NCKAP5: variants seen among roughly 807,000 people sequenced by gnomAD.
NCKAP5 encodes the protein nck-associated protein 5.
Under a neutral mutation model 167.0 loss-of-function variants are expected in NCKAP5, and 92 were observed. The observed-to-expected ratio is 0.55, with a 90% CI of 0.47 to 0.66. NCKAP5 has a LOEUF of 0.66. NCKAP5 is among the 30% of genes least tolerant of loss of function. The pLI, the probability that NCKAP5 is intolerant of heterozygous loss-of-function variation, is 0.00. For synonymous variants in NCKAP5, 891 were observed against 877.4 expected (o/e 1.02, Z -0.27); for missense variants, 2,378 against 2,315.0 (o/e 1.03, Z -0.56).
chr2:133,231,338 C>A (rs1332705712), intron 4 of NCKAP5, among the ~76,000 whole-genome samples: 1 of 152,148 alleles, frequency 6.6e-6, no homozygotes, highest in East Asian at 1.9e-4. Flanking sequence ...GACTAAAAGA[C>A]ATGTTTAAAA....
At chr2:132,878,801 T>TCCCAACTAGTC in intron 9 of NCKAP5, 47 bp downstream of exon 9, 1 of 1,403,266 alleles carries the variant, frequency 7.1e-7, no homozygotes, top group Non-Finnish European at 1.0e-6. Context: ...ATTAAGGGAA[T>TCCCAACTAGTC]CCCAACTAGT....
chr2:133,608,960 G>A, the NCKAP5 span, among the ~76,000 whole-genome samples: 1 of 152,196 alleles, frequency 6.6e-6, no homozygotes, highest in Non-Finnish European at 1.5e-5. Flanking sequence ...AACATTTCAT[G>A]TATTTTCAAG....
chr2:133,309,446 C>T (rs1681075123), intron 3 of NCKAP5, among the ~76,000 whole-genome samples: 2 of 152,066 alleles, frequency 1.3e-5, no homozygotes, highest in Admixed American at 6.6e-5. Flanking sequence ...CTGATAAAAG[C>T]ATTTCACCAA....
chr2:133,083,717 T>C (rs1418686236), intron 6 of NCKAP5, among the ~76,000 whole-genome samples: 1 of 152,178 alleles, frequency 6.6e-6, no homozygotes, highest in Non-Finnish European at 1.5e-5. Flanking sequence ...ACTCTCACTG[T>C]TCATTCATTC....
chr2:132,727,285 G>T (rs1690554199), intron 18 of NCKAP5, among the ~76,000 whole-genome samples: 1 of 152,130 alleles, frequency 6.6e-6, no homozygotes, highest in South Asian at 2.1e-4. Flanking sequence ...TGTTGTTCCT[G>T]AACTGGTTTT....
intron 7 of NCKAP5, among the ~76,000 whole-genome samples, chr2:132,979,280 T>C (rs1242904601): frequency 7.9e-5 from 12 of 152,192 alleles, no homozygotes; most frequent in African/African-American, 2.4e-5. Context: ...CTCCCACTAA[T>C]GCAGATGAAA....
chr2:133,037,106 G>A (rs2079063334), intron 6 of NCKAP5, among the ~76,000 whole-genome samples: 1 of 151,850 alleles, frequency 6.6e-6, no homozygotes, highest in African/African-American at 2.4e-5. Context: ...AAGTGCAAGA[G>A]CTCTATAATA....
intron 4 of NCKAP5, among the ~76,000 whole-genome samples, chr2:133,237,223 T>A (rs1456680883): frequency 6.6e-6 from 1 of 152,188 alleles, no homozygotes; most frequent in African/African-American, 2.4e-5. Context: ...ATTATTATAT[T>A]CCTAAGCAGA....
intron 3 of NCKAP5, among the ~76,000 whole-genome samples, chr2:133,310,696 T>C (rs1310741377): frequency 6.6e-6 from 1 of 152,206 alleles, no homozygotes; most frequent in African/African-American, 2.4e-5. Context: ...CCATCCTTCA[T>C]TTCTGTGTCC....
At chr2:133,002,118 T>G (rs2077804926) in intron 6 of NCKAP5, among the ~76,000 whole-genome samples, 2 of 152,190 alleles carry the variant, frequency 1.3e-5, no homozygotes, top group African/African-American at 4.8e-5. Context: ...AACTGAGGGA[T>G]GACTGTTTTT....
At chr2:132,961,127 T>G (rs2076498904) in intron 8 of NCKAP5, among the ~76,000 whole-genome samples, 1 of 152,240 alleles carries the variant, frequency 6.6e-6, no homozygotes, top group African/African-American at 2.4e-5. Context: ...AAAATCCACA[T>G]GGGGTCTGTG....
intron 5 of NCKAP5, among the ~76,000 whole-genome samples, chr2:133,141,080 C>A: frequency 6.6e-6 from 1 of 151,948 alleles, no homozygotes. Context: ...AAGTTTCTCT[C>A]GGTAACAACT....
intron 19 of NCKAP5, among the ~76,000 whole-genome samples, chr2:132,677,159 T>C (rs1300343028): frequency 1.3e-5 from 2 of 152,186 alleles, no homozygotes; most frequent in Non-Finnish European, 2.9e-5. Context: ...AAAATTAATA[T>C]ACTACATTTG....
At chr2:132,983,861 C>T (rs2077209820) in intron 7 of NCKAP5, among the ~76,000 whole-genome samples, 1 of 152,206 alleles carries the variant, frequency 6.6e-6, no homozygotes, top group Non-Finnish European at 1.5e-5. Flanking sequence ...CTTCCCCTCC[C>T]AGGCCACAGC....
chr2:133,312,602 A>G (rs1405188584), intron 3 of NCKAP5, among the ~76,000 whole-genome samples: 1 of 152,210 alleles, frequency 6.6e-6, no homozygotes, highest in Non-Finnish European at 1.5e-5. Flanking sequence ...GAAACGGTGA[A>G]GCCTTGGGCT....
intron 8 of NCKAP5, among the ~76,000 whole-genome samples, chr2:132,925,292 C>T (rs1376906859): frequency 2.0e-5 from 3 of 151,896 alleles, no homozygotes; most frequent in Non-Finnish European, 2.9e-5. Flanking sequence ...CGGTGGCTCA[C>T]GCCTGTAATC....
At chr2:132,812,186 G>T (rs1685930493) in intron 11 of NCKAP5, among the ~76,000 whole-genome samples, 1 of 152,182 alleles carries the variant, frequency 6.6e-6, no homozygotes, top group African/African-American at 2.4e-5. Context: ...TCTCGGGATT[G>T]CTGGTTTGTT....
chr2:133,040,181 C>G (rs1031627203), intron 6 of NCKAP5, among the ~76,000 whole-genome samples: 1 of 152,064 alleles, frequency 6.6e-6, no homozygotes, highest in African/African-American at 2.4e-5. Flanking sequence ...CAACCTTCAA[C>G]TTCTATCTGA....
chr2:133,160,686 G>T (rs1350085950), intron 5 of NCKAP5, among the ~76,000 whole-genome samples: 1 of 151,962 alleles, frequency 6.6e-6, no homozygotes, highest in Admixed American at 6.6e-5. Flanking sequence ...CTCCAATGTG[G>T]ACAGACTGGC....
Sources: gnomAD v4.1 joint callset for allele counts (sites outside exome capture counted in the v4.1 genomes callset) on GRCh38, gnomAD v4.1.1 for gene constraint, MANE v1.5 for transcripts, NCBI Gene and HGNC (gene_info 2026-07-23, HGNC 2026-07-21) for gene names.